NAALADL2: variants seen among roughly 807,000 people sequenced by gnomAD.
NAALADL2 encodes N-acetylated alpha-linked acidic dipeptidase like 2.
NAALADL2 carries 76 observed loss-of-function variants against 87.2 expected under a neutral mutation model. The observed-to-expected ratio is 0.87, with a 90% CI of 0.72 to 1.05. The LOEUF (loss-of-function observed/expected upper bound fraction) is 1.05. NAALADL2 is among the 50% of genes least tolerant of loss of function. The probability of loss-of-function intolerance (pLI) is 0.00; values close to 1 mark genes in which losing one functional copy is unlikely to be tolerated. For synonymous variants in NAALADL2, 354 were observed against 331.0 expected, an observed-to-expected ratio of 1.07 and a Z score of -0.75; for missense variants, 1,089 against 945.8, an observed-to-expected ratio of 1.15 and a Z score of -1.99.
intron 3 of NAALADL2, among the ~76,000 whole-genome samples, chr3:174,803,762 C>T (rs186050297): frequency 6.6e-4 from 100 of 152,202 alleles, no homozygotes; most frequent in African/African-American, 2.3e-3. Context: ...TCAGGTTTGT[C>T]AAAGATCAGA....
intron 5 of NAALADL2, among the ~76,000 whole-genome samples, chr3:175,366,382 G>T (rs1765569949): frequency 6.6e-6 from 1 of 151,856 alleles, no homozygotes; most frequent in Non-Finnish European, 1.5e-5. Context: ...CCAGTAATGG[G>T]ATTGGTGGGT....
At chr3:174,946,466 G>T (rs1739435180) in intron 1 of NAALADL2, among the ~76,000 whole-genome samples, 1 of 152,086 alleles carries the variant, frequency 6.6e-6, no homozygotes, top group Non-Finnish European at 1.5e-5. Flanking sequence ...GTTAAACAGG[G>T]AATATGATGT....
intron 10 of NAALADL2, among the ~76,000 whole-genome samples, chr3:175,592,692 G>A (rs550024324): frequency 1.2e-3 from 172 of 143,534 alleles, no homozygotes; most frequent in East Asian, 9.6e-3. Flanking sequence ...TGAACAATGA[G>A]AACACATGGA....
chr3:175,474,589 T>A (rs1226240019), intron 9 of NAALADL2, among the ~76,000 whole-genome samples: 1 of 152,176 alleles, frequency 6.6e-6, no homozygotes, highest in Non-Finnish European at 1.5e-5. Context: ...AATGTACAGC[T>A]TGATGAATTT....
chr3:174,818,063 G>A (rs1313002138), intron 3 of NAALADL2, among the ~76,000 whole-genome samples: 3 of 152,124 alleles, frequency 2.0e-5, no homozygotes, highest in Admixed American at 6.6e-5. Context: ...TCATTGATTT[G>A]TGTCTGTTGT....
intron 2 of NAALADL2, among the ~76,000 whole-genome samples, chr3:175,098,027 A>G (rs917880430): frequency 6.6e-6 from 1 of 152,132 alleles, no homozygotes; most frequent in South Asian, 2.1e-4. Flanking sequence ...TTCTCAGGGA[A>G]GCATGTCCAC....
chr3:175,564,813 A>C (rs540540163), intron 9 of NAALADL2, among the ~76,000 whole-genome samples: 21 of 152,270 alleles, frequency 1.4e-4, no homozygotes, highest in African/African-American at 4.8e-4. Context: ...GTATCTTTTC[A>C]ACGTGTTCAA....
rs540174471 is a variant in NAALADL2, at chr3:174,973,633, G to A, written c.43+114183G>A. On this transcript the variant is annotated intron_variant, in intron 1 of 13. Coordinates refer to ENST00000454872, the MANE Select transcript of NAALADL2 (RefSeq NM_207015.3). Reference sequence around the variant, plus strand: ...TGCATTGTTAGGCAGTTCCGTCATTGTGCAAACATCATAGAGTGTACTTTC... The same window carrying A: ...TGCATTGTTAGGCAGTTCCGTCATTATGCAAACATCATAGAGTGTACTTTC... 3.9e-5 allele frequency among the ~76,000 whole-genome samples: 6 copies of A among 152,130 alleles called. No homozygotes were observed. The South Asian group carries it at 8.3e-4, about 21-fold the overall frequency.
chr3:175,087,032 G>T (rs867118411), intron 1 of NAALADL2, among the ~76,000 whole-genome samples: 1 of 151,764 alleles, frequency 6.6e-6, no homozygotes, highest in Non-Finnish European at 1.5e-5. Context: ...ATATTAATGG[G>T]AGGCCTAGAA....
At chr3:174,950,439 C>T (rs1470506811) in intron 1 of NAALADL2, among the ~76,000 whole-genome samples, 1 of 152,052 alleles carries the variant, frequency 6.6e-6, no homozygotes, top group Non-Finnish European at 1.5e-5. Context: ...GTAAAACATA[C>T]ATATACATGA....
At chr3:175,722,989 G>A (rs1175969708) in intron 11 of NAALADL2, among the ~76,000 whole-genome samples, 1 of 152,100 alleles carries the variant, frequency 6.6e-6, no homozygotes, top group Non-Finnish European at 1.5e-5. Flanking sequence ...ACAAACTTTG[G>A]AGAACAAAGG....
intron 5 of NAALADL2, chr3:175,369,527 A>C (rs1444689825): frequency 6.6e-6 from 1 of 152,124 alleles, no homozygotes; most frequent in African/African-American, 2.4e-5. Context: ...GTGTGTGTGT[A>C]TGTGTATATA....
intron 1 of NAALADL2, among the ~76,000 whole-genome samples, chr3:175,062,971 T>C (rs1713819324): frequency 6.6e-6 from 1 of 152,196 alleles, no homozygotes; most frequent in South Asian, 2.1e-4. Context: ...GTTTATTTAC[T>C]AAATAAATTT....
intron 3 of NAALADL2, among the ~76,000 whole-genome samples, chr3:174,799,305 C>T (rs1343599013): frequency 1.3e-5 from 2 of 152,098 alleles, no homozygotes; most frequent in East Asian, 3.9e-4. Flanking sequence ...TATGGTTTGG[C>T]TGTGTCCCTA....
chr3:174,824,353 G>A lies in NAALADL2; in HGVS notation c.-9+86607G>A, dbSNP rs576027606. ...ATTGCCCTTGCTAACAATAGAATGC[G>A]ACTGATAATTCATTTTCTTTCCCAA... is the stretch of plus-strand genomic sequence containing the variant. On this transcript the variant is annotated intron_variant, in intron 3 of 3. Transcript: ENST00000434257. 2.3e-4 allele frequency among the ~76,000 whole-genome samples: 35 copies of A among 152,196 alleles called. No homozygotes were observed. The South Asian group carries it at 6.8e-3, about 30-fold the overall frequency.
At position 175,256,502 on chromosome 3, in the gene NAALADL2, A is replaced by T; in HGVS notation, c.911A>T (p.Lys304Ile). 1.2e-6 allele frequency: 2 copies of T among 1,612,628 alleles called. No homozygotes were observed. Among genetic ancestry groups the T allele is most frequent in the Non-Finnish European group, 1.7e-6 (2 of 1,179,342 alleles). ...KNVTNQIALL[K>I]LGKLPLLYKL... Reference sequence around the variant, plus strand: ...GTAACAAATCAGATCGCACTCCTGAAATTAGGAAAATTGCCACTGCTTTAT... The same window carrying T: ...GTAACAAATCAGATCGCACTCCTGATATTAGGAAAATTGCCACTGCTTTAT... Residue 304 changes from lysine (K) to isoleucine (I), a missense_variant, in exon 4 of 14, where the codon AAA (lysine) becomes ATA (isoleucine). Physicochemically the swap from Lys to Ile is moderately radical, Grantham distance 102 (BLOSUM62 -3). Coordinates refer to ENST00000454872, the MANE Select transcript of NAALADL2 (RefSeq NM_207015.3).
intron 1 of NAALADL2, among the ~76,000 whole-genome samples, chr3:174,859,810 A>T (rs1018272363): frequency 2.0e-4 from 30 of 152,190 alleles, no homozygotes; most frequent in African/African-American, 7.0e-4. Flanking sequence ...CATTAACAGA[A>T]CCTTGATTTT....
intron 3 of NAALADL2, among the ~76,000 whole-genome samples, chr3:174,804,720 G>A (rs994951480): frequency 1.3e-5 from 2 of 152,098 alleles, no homozygotes; most frequent in South Asian, 2.1e-4. Flanking sequence ...ATATGTGACT[G>A]TCAGAACATT....
intron 3 of NAALADL2, among the ~76,000 whole-genome samples, chr3:174,833,220 A>G (rs1422152191): frequency 6.6e-6 from 1 of 152,228 alleles, no homozygotes; most frequent in East Asian, 1.9e-4. Context: ...GTTAATAAAA[A>G]ATGAGAAATG....
Sources: allele counts gnomAD v4.1 joint callset (sites outside exome capture counted in the v4.1 genomes callset), GRCh38; gene constraint gnomAD v4.1.1; transcripts MANE v1.5; gene names NCBI Gene and HGNC (gene_info 2026-07-23, HGNC 2026-07-21).